FSTL4: variants seen among roughly 807,000 people sequenced by gnomAD.
FSTL4 encodes the protein follistatin-related protein 4.
FSTL4 carries 28 observed loss-of-function variants against 78.2 expected under a neutral mutation model. That is an observed-to-expected ratio of 0.36 (90% CI 0.27 to 0.49). The LOEUF (loss-of-function observed/expected upper bound fraction) is 0.49, where lower values mean the gene tolerates loss of function less well. Ranked by LOEUF, FSTL4 falls within the 20% of genes least tolerant of loss-of-function variation. FSTL4 has a pLI of 0.98. For synonymous variants in FSTL4, 422 were observed against 440.5 expected, an observed-to-expected ratio of 0.96 and a Z score of 0.53; for missense variants, 922 against 1,084.9, an observed-to-expected ratio of 0.85 and a Z score of 2.11.
At chr5:133,264,168 T>G (rs1477215298) in intron 6 of FSTL4, among the ~76,000 whole-genome samples, 2 of 152,160 alleles carry the variant, frequency 1.3e-5, no homozygotes, top group African/African-American at 4.8e-5. Context: ...ACAGTCTCCA[T>G]GACAAAGAAT....
intron 3 of FSTL4, among the ~76,000 whole-genome samples, chr5:133,408,563 AGGCGGG>A (rs1429423102): frequency 8.3e-5 from 2 of 24,110 alleles, no homozygotes; most frequent in Admixed American, 5.7e-4. Flanking sequence ...CTCTTCACTG[AGGCGGG>A]GGTGGAGCGG....
chr5:133,519,582 C>T (rs554643803), intron 3 of FSTL4, among the ~76,000 whole-genome samples: 10 of 152,346 alleles, frequency 6.6e-5, no homozygotes, highest in Admixed American at 1.3e-4. Context: ...TCAGCCTTTC[C>T]GAGAAGGGCA....
At chr5:133,760,340 T>A in the FSTL4 span, among the ~76,000 whole-genome samples, 1 of 152,208 alleles carries the variant, frequency 6.6e-6, no homozygotes, top group Non-Finnish European at 1.5e-5. Context: ...GAGCAGAACC[T>A]CTACTTTCTA....
At chr5:133,429,096 G>T (rs1250878917) in intron 3 of FSTL4, among the ~76,000 whole-genome samples, 1 of 152,020 alleles carries the variant, frequency 6.6e-6, no homozygotes, top group African/African-American at 2.4e-5. Context: ...CCCTGTGAAA[G>T]CCTCTTCTCC....
the FSTL4 span, among the ~76,000 whole-genome samples, chr5:133,814,781 G>A: frequency 6.6e-6 from 1 of 152,214 alleles, no homozygotes; most frequent in Non-Finnish European, 1.5e-5. Flanking sequence ...GCAACAATGA[G>A]AAAGATGTTT....
At chr5:133,763,284 G>A in the FSTL4 span, among the ~76,000 whole-genome samples, 1 of 152,220 alleles carries the variant, frequency 6.6e-6, no homozygotes, top group South Asian at 2.1e-4. Flanking sequence ...CTTCCATTGA[G>A]AGTATGTTAA....
At chr5:133,753,683 CTGTGTGTG>C in the FSTL4 span, among the ~76,000 whole-genome samples, 1,596 of 120,680 alleles carry the variant, frequency 0.013, 42 homozygotes, top group African/African-American at 0.046. Context: ...CACATTTGTT[CTGTGTGTG>C]TGTGTGTGTG....
At chr5:133,592,390 C>T (rs1233215871) in intron 2 of FSTL4, among the ~76,000 whole-genome samples, 1 of 152,212 alleles carries the variant, frequency 6.6e-6, no homozygotes, top group Non-Finnish European at 1.5e-5. Context: ...ACTTGTAACA[C>T]AAGAACAGTC....
intron 3 of FSTL4, among the ~76,000 whole-genome samples, chr5:133,411,486 A>C (rs1462494941): frequency 6.6e-6 from 1 of 152,196 alleles, no homozygotes; most frequent in African/African-American, 2.4e-5. Context: ...AATGGTCACT[A>C]TTAAGACTCC....
chr5:133,273,712 A>G (rs996641319), intron 6 of FSTL4, among the ~76,000 whole-genome samples: 1 of 152,206 alleles, frequency 6.6e-6, no homozygotes, highest in Non-Finnish European at 1.5e-5. Context: ...GTGACCACGT[A>G]TCTGTGTTCA....
At chr5:133,678,890 G>A in the FSTL4 span, among the ~76,000 whole-genome samples, 7 of 152,142 alleles carry the variant, frequency 4.6e-5, no homozygotes, top group African/African-American at 9.7e-5. Context: ...TGAGAGAAGT[G>A]GGAGGGTGGG....
chr5:133,723,551 G>A, the FSTL4 span, among the ~76,000 whole-genome samples: 1 of 152,202 alleles, frequency 6.6e-6, no homozygotes, highest in Non-Finnish European at 1.5e-5. Context: ...TCAGCAGGAA[G>A]AAAGCAGCTC....
At chr5:133,720,284 G>T in the FSTL4 span, among the ~76,000 whole-genome samples, 9 of 152,236 alleles carry the variant, frequency 5.9e-5, no homozygotes, top group Admixed American at 3.9e-4. Context: ...TTCTTTTTGT[G>T]GCAACCTGTA....
At chr5:133,500,975 T>A (rs1281388312) in intron 3 of FSTL4, among the ~76,000 whole-genome samples, 2 of 152,066 alleles carry the variant, frequency 1.3e-5, no homozygotes, top group Non-Finnish European at 2.9e-5. Flanking sequence ...TGCTTTAACT[T>A]TTGAATTTGC....
At chr5:133,320,303 G>A (rs943892827) in intron 4 of FSTL4, among the ~76,000 whole-genome samples, 1 of 152,150 alleles carries the variant, frequency 6.6e-6, no homozygotes, top group African/African-American at 2.4e-5. Flanking sequence ...CCAAATTCCA[G>A]TTTTATTTTT....
chr5:133,553,155 C>T (rs1347188435), intron 3 of FSTL4, among the ~76,000 whole-genome samples: 1 of 152,158 alleles, frequency 6.6e-6, no homozygotes, highest in African/African-American at 2.4e-5. Context: ...ACCCGGAACC[C>T]ACAGTCTGTA....
intron 2 of FSTL4, among the ~76,000 whole-genome samples, chr5:133,595,042 G>C (rs1023107484): frequency 3.9e-5 from 6 of 152,180 alleles, no homozygotes. Context: ...CACAAACAAA[G>C]CATCCTGCAT....
chr5:133,727,798 G>C, the FSTL4 span, among the ~76,000 whole-genome samples: 1 of 152,230 alleles, frequency 6.6e-6, no homozygotes, highest in Non-Finnish European at 1.5e-5. Flanking sequence ...ACAGTGCCAT[G>C]AAGACAGTGA....
chr5:133,410,459 A>C (rs1179807216), intron 3 of FSTL4, among the ~76,000 whole-genome samples: 1 of 151,972 alleles, frequency 6.6e-6, no homozygotes, highest in Non-Finnish European at 1.5e-5. Context: ...CTGCTTTTCC[A>C]CCAACTAATG....
Sources: allele counts gnomAD v4.1 joint callset (sites outside exome capture counted in the v4.1 genomes callset), GRCh38; gene constraint gnomAD v4.1.1; transcripts MANE v1.5; gene names NCBI Gene and HGNC (gene_info 2026-07-23, HGNC 2026-07-21).